Variants in IL1RAP observed in about 807,000 individuals in gnomAD.
IL1RAP encodes the protein interleukin-1 receptor accessory protein.
A neutral mutation model predicts 60.7 loss-of-function variants in IL1RAP; 35 were observed. The observed-to-expected ratio is 0.58, with a 90% CI of 0.44 to 0.76. The LOEUF (loss-of-function observed/expected upper bound fraction) is 0.76. Among genes scored for constraint, IL1RAP ranks in the 30% least tolerant of loss-of-function variants. The pLI is 0.00. For synonymous variants in IL1RAP, 268 were observed against 250.9 expected (o/e 1.07, Z -0.64); for missense variants, 572 against 693.9 (o/e 0.82, Z 1.97).
At chr3:190,575,101 T>C (rs1727322614) in intron 3 of IL1RAP, among the ~76,000 whole-genome samples, 1 of 152,210 alleles carries the variant, frequency 6.6e-6, no homozygotes, top group Admixed American at 6.5e-5. Flanking sequence ...TGTGATTTAA[T>C]AGAAACTGGT....
At chr3:190,644,517 G>A (rs2108855833) in intron 10 of IL1RAP, 120 bp downstream of exon 10, 1 of 755,242 alleles carries the variant, frequency 1.3e-6, no homozygotes, top group Non-Finnish European at 2.2e-6. Flanking sequence ...GAAGATTTAA[G>A]CAGATTAACT....
At chr3:190,575,827 G>T (rs945373542) in intron 3 of IL1RAP, among the ~76,000 whole-genome samples, 1 of 152,218 alleles carries the variant, frequency 6.6e-6, no homozygotes, top group Admixed American at 6.5e-5. Context: ...GGCGGACAAG[G>T]TCCTCTAAAC....
intron 1 of IL1RAP, among the ~76,000 whole-genome samples, chr3:190,528,725 A>T (rs1277001048): frequency 1.3e-5 from 2 of 152,258 alleles, no homozygotes; most frequent in Non-Finnish European, 2.9e-5. Context: ...CTTTGAAAAG[A>T]TATATAAGGT....
chr3:190,570,885 A>G (rs2108646081), intron 3 of IL1RAP, among the ~76,000 whole-genome samples: 1 of 152,238 alleles, frequency 6.6e-6, no homozygotes. Context: ...TAAGGTTTAT[A>G]GTAGTGTTCA....
intron 7 of IL1RAP, among the ~76,000 whole-genome samples, chr3:190,623,702 A>G (rs1323359397): frequency 6.6e-6 from 1 of 152,214 alleles, no homozygotes; most frequent in Non-Finnish European, 1.5e-5. Flanking sequence ...TAGCTTGCAC[A>G]GGGCTTTGGT....
At chr3:190,534,950 G>A (rs1723316823) in intron 1 of IL1RAP, among the ~76,000 whole-genome samples, 1 of 150,590 alleles carries the variant, frequency 6.6e-6, no homozygotes. Flanking sequence ...CCAGCAAAGT[G>A]AAGTGTGGGG....
At chr3:190,602,012 GC>G (rs1262074295) in intron 3 of IL1RAP, among the ~76,000 whole-genome samples, 2 of 152,144 alleles carry the variant, frequency 1.3e-5, no homozygotes, top group Non-Finnish European at 2.9e-5. Flanking sequence ...CACAAGGACA[GC>G]CCAGATTTGA....
chr3:190,567,656 C>A (rs992317147), intron 3 of IL1RAP, among the ~76,000 whole-genome samples: 6 of 152,072 alleles, frequency 3.9e-5, no homozygotes, highest in African/African-American at 1.4e-4. Context: ...TCTAAGGGAT[C>A]ACAGGTAATC....
chr3:190,569,097 G>A (rs3773978), intron 3 of IL1RAP, among the ~76,000 whole-genome samples: 35,058 of 152,100 alleles, frequency 0.23, 4,232 homozygotes, highest in East Asian at 0.37. Flanking sequence ...AAAAGATAGT[G>A]CAAAGGCATT....
At position 190,577,989 on chromosome 3, in the gene IL1RAP, A is replaced by G. The variant is rs558270059; in HGVS notation, c.64+13636A>G. Among the ~76,000 whole-genome samples, 52 of 152,316 alleles carry G rather than the reference A, an allele frequency of 3.4e-4. 1 individual carries two copies. Among genetic ancestry groups the G allele is most frequent in the African/African-American group, 1.2e-3 (50 of 41,566 alleles). On this transcript the variant is annotated intron_variant, in intron 3 of 11. Transcript: ENST00000447382. Reference sequence around the variant, plus strand: ...CTCCAACTGCATCGGTGTTTCTGCAAAGGGAGCTAAGCATTGGGCACACAT... The same window carrying G: ...CTCCAACTGCATCGGTGTTTCTGCAGAGGGAGCTAAGCATTGGGCACACAT...
In IL1RAP at chr3:190,526,977, A is replaced by C. The variant is rs138520145; in HGVS notation, c.-89+12758A>C. The stretch of plus-strand genomic sequence containing the variant: ...GGCCAGTTCTGGAGAACAGCATGAG[A>C]GCAAAAGGTGCTGTGTGACCACGCT... On this transcript the variant is annotated intron_variant, in intron 1 of 11. Coordinates refer to ENST00000447382, the MANE Select transcript of IL1RAP (RefSeq NM_002182.4). Among the ~76,000 whole-genome samples, 7 of 152,356 alleles carry C rather than the reference A, an allele frequency of 4.6e-5. No homozygotes were observed. In the East Asian group the frequency reaches 5.8e-4, roughly 13 times the overall value.
At chr3:190,653,729 G>A (rs746532586), downstream of IL1RAP, among the ~76,000 whole-genome samples, 13 of 151,982 alleles carry the variant, frequency 8.6e-5, no homozygotes, top group Admixed American at 2.6e-4. Context: ...TTATTATATG[G>A]CCATACCTCA....
chr3:190,635,958 T>C (rs1733188427), intron 9 of IL1RAP, among the ~76,000 whole-genome samples: 1 of 152,188 alleles, frequency 6.6e-6, no homozygotes, highest in Non-Finnish European at 1.5e-5. Flanking sequence ...CAGGTTCAAT[T>C]TCCAGGGTAT....
rs748308642 is a variant in IL1RAP at position 190,627,412 on chromosome 3, C to A, written c.865C>A (p.Pro289Thr). 1.9e-5 allele frequency: 30 copies of A among 1,612,838 alleles called. No homozygotes were observed. In the South Asian group the frequency reaches 3.3e-4, roughly 18 times the overall value. ...EVWWTIDGKKPDDITIDVTIN... is the reference protein window; with the variant it reads ...EVWWTIDGKKTDDITIDVTIN... ...TTGGTGGACCATTGATGGAAAAAAA[C>A]CTGATGACATCACTATTGATGTCAC... Residue 289 changes from proline (P) to threonine (T), a missense_variant, in exon 8 of 12, where the codon CCT (proline) becomes ACT (threonine). Physicochemically the swap from Pro to Thr is conservative, Grantham distance 38. Transcript: ENST00000447382.
chr3:190,624,619 T>TA (rs5855343), intron 7 of IL1RAP: 48 of 172,608 alleles, frequency 2.8e-4, no homozygotes, highest in South Asian at 7.8e-4. Flanking sequence ...TGCCATTCAA[T>TA]AAAAAAAAAA....
At chr3:190,621,222 G>T (rs1425524152) in intron 6 of IL1RAP, among the ~76,000 whole-genome samples, 1 of 152,170 alleles carries the variant, frequency 6.6e-6, no homozygotes, top group Non-Finnish European at 1.5e-5. Flanking sequence ...AACCTGTTTA[G>T]AGACACTCAG....
At chr3:190,658,744 T>G (rs573866506) in exon 12 of IL1RAP, 1 of 152,278 alleles carries the variant, frequency 6.6e-6, no homozygotes, top group South Asian at 2.1e-4. Context: ...CTACCCCTCT[T>G]GAAAATGTTC....
intron 11 of IL1RAP, among the ~76,000 whole-genome samples, chr3:190,647,696 G>A (rs1051394452): frequency 6.6e-6 from 1 of 152,126 alleles, no homozygotes; most frequent in Non-Finnish European, 1.5e-5. Flanking sequence ...AGCCCACCGA[G>A]GATGTGTTAC....
rs543239029 is a variant in IL1RAP at position 190,649,143 on chromosome 3, AAAGATAATC to A, written c.*442_*450del. ...TATCTTATTTTTACTCGTCCGTTGA[AAAGATAATC>A]AAGGCCTACATTTTAGCTGAGGATA... On this transcript the variant is annotated 3_prime_UTR_variant, in exon 12 of 12. Transcript: ENST00000447382. 179 of 987,622 alleles carry A rather than the reference AAAGATAATC, an allele frequency of 1.8e-4. No homozygotes were observed. Among genetic ancestry groups the A allele is most frequent in the Non-Finnish European group, 2.2e-4 (179 of 831,594 alleles). The allele number at this position is 987,622 out of a possible 1,614,324, so 61.2% of individuals were successfully genotyped here. A position where few individuals can be genotyped will look rare whatever the true frequency, so the allele number is the denominator to read the frequency against.
Sources: gnomAD v4.1 joint callset for allele counts (sites outside exome capture counted in the v4.1 genomes callset) on GRCh38, gnomAD v4.1.1 for gene constraint, MANE v1.5 for transcripts, NCBI Gene and HGNC (gene_info 2026-07-23, HGNC 2026-07-21) for gene names.